The following ATRN variants were observed in gnomAD, a reference collection of about 807,000 sequenced individuals.
ATRN encodes the protein attractin-2.
A neutral mutation model predicts 178.7 loss-of-function variants in ATRN; 54 were observed. The observed-to-expected ratio is 0.30, with a 90% CI of 0.24 to 0.38. The LOEUF is 0.38. ATRN is among the 10% of genes least tolerant of loss of function. The pLI is 1.00. For synonymous variants in ATRN, 636 were observed against 663.0 expected, an observed-to-expected ratio of 0.96 and a Z score of 0.63; for missense variants, 1,443 against 1,815.1, an observed-to-expected ratio of 0.79 and a Z score of 3.73.
chr20:3,559,303 C>A, intron 6 of ATRN, 90 bp from the exon 7 acceptor site: 1 of 987,580 alleles, frequency 1.0e-6, no homozygotes, highest in Non-Finnish European at 1.6e-6. Flanking sequence ...ATTTAGTGAG[C>A]ATCTCCAAAC....
chr20:3,583,768 A>T, intron 16 of ATRN, 130 bp from the exon 17 acceptor site: 1 of 917,230 alleles, frequency 1.1e-6, no homozygotes, highest in Non-Finnish European at 1.6e-6. Flanking sequence ...AAATTGTGCC[A>T]CTGCACTCTA....
At chr20:3,484,551 C>G (rs1165989964) in intron 1 of ATRN, among the ~76,000 whole-genome samples, 5 of 152,074 alleles carry the variant, frequency 3.3e-5, no homozygotes, top group African/African-American at 9.7e-5. Flanking sequence ...GCCCCTGCTC[C>G]CCGTTTGTAT....
rs374986311 is a variant in ATRN at position 3,575,959 on chromosome 20, G to C, written c.2214+11G>C. The C allele has an allele frequency of 9.9e-6, 16 of 1,610,588 alleles. No individual in the cohort carries two copies. Among genetic ancestry groups the C allele is most frequent in the Non-Finnish European group, 1.4e-5 (16 of 1,178,896 alleles). ...TGCTCAGAAGGCCAGGTCAGAGGCT[G>C]TTTCTTAAAGATTTCAGAAAAATCC... On this transcript the variant is annotated intron_variant, in intron 13 of 28. Coordinates refer to ENST00000262919, the MANE Select transcript of ATRN (RefSeq NM_139321.3).
intron 1 of ATRN, among the ~76,000 whole-genome samples, chr20:3,506,209 T>C (rs1459115452): frequency 2.0e-5 from 3 of 152,208 alleles, no homozygotes; most frequent in Non-Finnish European, 4.4e-5. Flanking sequence ...GGGAAACTGG[T>C]CAAAGTGTAC....
At chr20:3,558,793 T>C (rs1431562188) in intron 6 of ATRN, among the ~76,000 whole-genome samples, 1 of 152,072 alleles carries the variant, frequency 6.6e-6, no homozygotes, top group East Asian at 1.9e-4. Flanking sequence ...GTGAGTACTT[T>C]AAGATACTGA....
intron 15 of ATRN, among the ~76,000 whole-genome samples, chr20:3,579,312 C>G (rs1168462787): frequency 1.3e-5 from 2 of 152,008 alleles, no homozygotes; most frequent in African/African-American, 4.8e-5. Flanking sequence ...ATAGTAAAAC[C>G]CCGTCTCTAC....
intron 5 of ATRN, among the ~76,000 whole-genome samples, chr20:3,547,817 G>C (rs2085728753): frequency 6.6e-6 from 1 of 152,050 alleles, no homozygotes; most frequent in Admixed American, 6.6e-5. Context: ...TATTTCCTCA[G>C]AAACACACTC....
chr20:3,637,016 C>T (rs185445404), intron 26 of ATRN, among the ~76,000 whole-genome samples: 1 of 152,304 alleles, frequency 6.6e-6, no homozygotes, highest in Admixed American at 6.5e-5. Context: ...AACACAGAAG[C>T]TAAACAATCA....
At chr20:3,614,456 A>G (rs765135370) in intron 24 of ATRN, among the ~76,000 whole-genome samples, 2 of 152,158 alleles carry the variant, frequency 1.3e-5, no homozygotes, top group African/African-American at 4.8e-5. Flanking sequence ...TGTTTCATCT[A>G]CTGTTTTATG....
rs984230232 is a variant in ATRN, at chr20:3,473,027, C to T, written c.410+1510C>T. 1.3e-5 allele frequency among the ~76,000 whole-genome samples: 2 copies of T among 152,198 alleles called. 1 individual carries two copies. Among genetic ancestry groups the T allele is most frequent in the Non-Finnish European group, 2.9e-5 (2 of 68,038 alleles). On this transcript the variant is annotated intron_variant, in intron 1 of 28. Coordinates refer to ENST00000262919, the MANE Select transcript of ATRN (RefSeq NM_139321.3). ...TATGGATGGAGAAACCAAGTTACTT[C>T]AGGACCACTGATGCAGTGAAGCTGC...
chr20:3,480,840 A>G (rs541978813), intron 1 of ATRN, among the ~76,000 whole-genome samples: 129 of 152,348 alleles, frequency 8.5e-4, no homozygotes, highest in African/African-American at 2.9e-3. Flanking sequence ...GGTTATTTTT[A>G]TCTTAAGAAA....
At chr20:3,476,021 T>C (rs1418140272) in intron 1 of ATRN, among the ~76,000 whole-genome samples, 1 of 152,186 alleles carries the variant, frequency 6.6e-6, no homozygotes, top group Non-Finnish European at 1.5e-5. Context: ...GGCATGTGCC[T>C]GTGGTCCCAG....
At chr20:3,587,371 A>G (rs1016536431) in intron 18 of ATRN, among the ~76,000 whole-genome samples, 3 of 152,110 alleles carry the variant, frequency 2.0e-5, no homozygotes, top group African/African-American at 7.2e-5. Flanking sequence ...TGTGTGTTAC[A>G]TTAGGTCCTT....
At position 3,649,792 on chromosome 20, in the gene ATRN, G is replaced by T. The variant is rs1191384651; in HGVS notation, c.*2945G>T. ...TAGCAATCAGACTTTCCAAAAGGGG[G>T]TTCTCCATTTTTTGTAGTTTTGTCT... is the stretch of plus-strand genomic sequence containing the variant. On this transcript the variant is annotated 3_prime_UTR_variant, in exon 29 of 29. Coordinates refer to ENST00000262919, the MANE Select transcript of ATRN (RefSeq NM_139321.3). 2 of 151,868 alleles carry T rather than the reference G, an allele frequency of 1.3e-5. No homozygotes were observed. The highest frequency in any genetic ancestry group is 2.9e-5 in the Non-Finnish European group (2 of 68,036). The allele number at this position is 151,868 out of a possible 1,614,324, so 9.4% of individuals were successfully genotyped here.
intron 3 of ATRN, among the ~76,000 whole-genome samples, chr20:3,542,892 G>A (rs1380656891): frequency 6.6e-6 from 1 of 151,180 alleles, no homozygotes; most frequent in African/African-American, 2.4e-5. Flanking sequence ...TCCCACCTTG[G>A]CCTCCCAAAG....
intron 1 of ATRN, among the ~76,000 whole-genome samples, chr20:3,509,706 G>C (rs781548487): frequency 6.6e-6 from 1 of 152,036 alleles, no homozygotes; most frequent in Non-Finnish European, 1.5e-5. Flanking sequence ...GTTTTGCCAC[G>C]TTGGCCAGGC....
chr20:3,539,740 T>C (rs983498888), intron 2 of ATRN, among the ~76,000 whole-genome samples: 2 of 152,120 alleles, frequency 1.3e-5, no homozygotes, highest in Admixed American at 6.5e-5. Flanking sequence ...GTTTTGTTTT[T>C]TTTTTCCCTC....
intron 1 of ATRN, among the ~76,000 whole-genome samples, chr20:3,497,839 T>G (rs1391732351): frequency 6.6e-6 from 1 of 152,224 alleles, no homozygotes; most frequent in Non-Finnish European, 1.5e-5. Context: ...AGTCCCATAT[T>G]TCTTGGAGGC....
At chr20:3,569,444 T>TA (rs995140776) in intron 11 of ATRN, among the ~76,000 whole-genome samples, 1 of 151,924 alleles carries the variant, frequency 6.6e-6, no homozygotes, top group Non-Finnish European at 1.5e-5. Context: ...ATATAAAAGA[T>TA]AAAAAAATGT....
Sources: gnomAD v4.1 joint callset for allele counts (sites outside exome capture counted in the v4.1 genomes callset) on GRCh38, gnomAD v4.1.1 for gene constraint, MANE v1.5 for transcripts, NCBI Gene and HGNC (gene_info 2026-07-23, HGNC 2026-07-21) for gene names.